MARCHF6: variants seen among roughly 807,000 people sequenced by gnomAD.
MARCHF6 encodes E3 ubiquitin-protein ligase MARCHF6.
A neutral mutation model predicts 133.7 loss-of-function variants in MARCHF6; 31 were observed. The ratio of observed to expected loss-of-function variants is 0.23; its 90% confidence interval spans 0.17 to 0.31. The LOEUF is 0.31. Ranked by LOEUF, MARCHF6 falls within the 10% of genes least tolerant of loss-of-function variation. The probability of loss-of-function intolerance (pLI) is 1.00; values close to 1 mark genes in which losing one functional copy is unlikely to be tolerated. For missense variants in MARCHF6, 723 were observed against 1,121.6 expected (o/e 0.64, Z 5.08); for synonymous variants, 395 against 402.5 (o/e 0.98, Z 0.22).
chr5:10,407,655 A>G (rs1206845137), intron 17 of MARCHF6, among the ~76,000 whole-genome samples: 2 of 152,112 alleles, frequency 1.3e-5, no homozygotes, highest in Non-Finnish European at 2.9e-5. Context: ...TTTGCTTTAA[A>G]AACTTAAGTG....
At position 10,433,738 on chromosome 5, in the gene MARCHF6, TTCTC is replaced by T; in HGVS notation, c.*58_*61del. 1 of 1,439,516 alleles carries T rather than the reference TTCTC, an allele frequency of 6.9e-7. No homozygotes were observed. Among genetic ancestry groups the T allele is most frequent in the Non-Finnish European group, 9.8e-7 (1 of 1,022,136 alleles). The allele number at this position is 1,439,516 out of a possible 1,614,324, so 89.2% of individuals were successfully genotyped here. On this transcript the variant is annotated 3_prime_UTR_variant, in exon 26 of 26. Transcript: ENST00000274140. ...CCTTTACATGTCCTTTTTTGTGGAC[TTCTC>T]TCTTTGGAGATTTTTCCCAGTGATC...
chr5:10,358,876 A>G (rs536948777), intron 1 of MARCHF6, among the ~76,000 whole-genome samples: 1 of 152,350 alleles, frequency 6.6e-6, no homozygotes, highest in Admixed American at 6.5e-5. Context: ...ACACACACAA[A>G]CATGTAATGG....
chr5:10,400,963 G>A, intron 11 of MARCHF6, 121 bp downstream of exon 11: 1 of 727,118 alleles, frequency 1.4e-6, no homozygotes, highest in Admixed American at 2.5e-5. Flanking sequence ...GGAATAGTTA[G>A]GCAATACCGT....
intron 20 of MARCHF6, 21 bp from the exon 21 acceptor site, chr5:10,415,467 T>C (rs377402876): frequency 1.2e-6 from 2 of 1,602,262 alleles, no homozygotes; most frequent in Non-Finnish European, 1.7e-6. Flanking sequence ...ATGTCTCATT[T>C]ATCAGCTTTT....
At chr5:10,414,245 C>G (rs186300627) in intron 19 of MARCHF6, among the ~76,000 whole-genome samples, 188 bp from the exon 20 acceptor site, 2 of 152,144 alleles carry the variant, frequency 1.3e-5, no homozygotes, top group African/African-American at 4.8e-5. Flanking sequence ...AGAATGGATA[C>G]TTATTTTCAT....
chr5:10,364,738 G>T (rs915189548), intron 1 of MARCHF6, among the ~76,000 whole-genome samples: 3 of 152,166 alleles, frequency 2.0e-5, no homozygotes, highest in Non-Finnish European at 4.4e-5. Context: ...TGCAGTACCT[G>T]CCATTAGCTG....
intron 25 of MARCHF6, among the ~76,000 whole-genome samples, chr5:10,432,551 A>G (rs1242886591): frequency 6.6e-6 from 1 of 152,204 alleles, no homozygotes; most frequent in Non-Finnish European, 1.5e-5. Context: ...ATCTGCTCAC[A>G]TTAAGTAAGG....
chr5:10,412,951 GT>G (rs1739312703), intron 19 of MARCHF6, among the ~76,000 whole-genome samples: 1 of 152,114 alleles, frequency 6.6e-6, no homozygotes, highest in Admixed American at 6.5e-5. Flanking sequence ...GGCCATGGGA[GT>G]GGTGAGGGAT....
At chr5:10,380,742 A>G (rs773079687) in intron 3 of MARCHF6, among the ~76,000 whole-genome samples, 6 of 152,114 alleles carry the variant, frequency 3.9e-5, no homozygotes, top group Non-Finnish European at 2.9e-5. Flanking sequence ...CCTGGCCAAC[A>G]TGGTGGAAAC....
rs960082832 is a variant in MARCHF6, at chr5:10,436,591, A to G, written c.*2907A>G. 1.3e-5 allele frequency: 2 copies of G among 152,204 alleles called. No homozygotes were observed. The highest frequency in any genetic ancestry group is 2.4e-5 in the African/African-American group (1 of 41,452). The allele number at this position is 152,204 out of a possible 1,614,324, so 9.4% of individuals were successfully genotyped here. A position where few individuals can be genotyped will look rare whatever the true frequency, so the allele number is the denominator to read the frequency against. Reference sequence around the variant, plus strand: ...TTTGTTTTATTTTTACTATTTATATATAGAAGACAAATCAGCATTTGGTGA... The same window carrying G: ...TTTGTTTTATTTTTACTATTTATATGTAGAAGACAAATCAGCATTTGGTGA... On this transcript the variant is annotated 3_prime_UTR_variant, in exon 26 of 26. Transcript: ENST00000274140.
At chr5:10,359,320 A>G (rs1735668455) in intron 1 of MARCHF6, among the ~76,000 whole-genome samples, 1 of 152,240 alleles carries the variant, frequency 6.6e-6, no homozygotes, top group African/African-American at 2.4e-5. Context: ...TCTTGTAAAC[A>G]GACAGGTATC....
intron 24 of MARCHF6, among the ~76,000 whole-genome samples, chr5:10,427,931 G>A (rs1354469738): frequency 1.3e-5 from 2 of 152,150 alleles, no homozygotes; most frequent in African/African-American, 4.8e-5. Flanking sequence ...TTATCTGGGA[G>A]TGGTGGCGCA....
Position 10,417,323 on chromosome 5 carries a change from T to G in MARCHF6, c.2202T>G (p.Leu734=). The stretch of plus-strand genomic sequence containing the variant: ...TGTTGGCTGGAGTTGTCCCTCTCCT[T>G]CTGGGGCTCCTGTTTGAGCTGGTCA... ...AVLLAGVVPL[L]LGLLFELVIV... The change falls in exon 22 of 26, where the codon CTT becomes CTG. Residue 734 remains leucine (L), a synonymous_variant. Coordinates refer to ENST00000274140, the MANE Select transcript of MARCHF6 (RefSeq NM_005885.4). 1 of 1,614,172 alleles carries G rather than the reference T, an allele frequency of 6.2e-7. No individual in the cohort carries two copies. The highest frequency in any genetic ancestry group is 8.5e-7 in the Non-Finnish European group (1 of 1,180,030).
intron 9 of MARCHF6, among the ~76,000 whole-genome samples, chr5:10,396,167 C>G (rs1738177177): frequency 6.6e-6 from 1 of 152,136 alleles, no homozygotes; most frequent in South Asian, 2.1e-4. Flanking sequence ...CCTATGAATT[C>G]AATGCCTATG....
At position 10,377,844 on chromosome 5, in the gene MARCHF6, T is replaced by G; in HGVS notation, c.66T>G (p.Leu22=). The G allele has an allele frequency of 1.2e-6, 2 of 1,613,700 alleles. No homozygotes were observed. Among genetic ancestry groups the G allele is most frequent in the Non-Finnish European group, 1.7e-6 (2 of 1,179,676 alleles). ...CRSEGTPEKP[L]YHPCVCTGSI... ...CAGAAGGAACACCTGAGAAACCGCTTTATCATCCTTGTGTATGTACTGGCA... is the reference window on the plus strand; with the variant it reads ...CAGAAGGAACACCTGAGAAACCGCTGTATCATCCTTGTGTATGTACTGGCA... The change falls in exon 2 of 26, where the codon CTT becomes CTG. Residue 22 remains leucine (L), a synonymous_variant. Coordinates refer to ENST00000274140, the MANE Select transcript of MARCHF6 (RefSeq NM_005885.4).
Position 10,435,805 on chromosome 5 carries a change from C to T in MARCHF6, c.*2121C>T, listed in dbSNP as rs1298743543. 7.0e-6 allele frequency: 1 copy of T among 143,100 alleles called. No homozygotes were observed. Among genetic ancestry groups the T allele is most frequent in the African/African-American group, 2.6e-5 (1 of 38,300 alleles). The allele number at this position is 143,100 out of a possible 1,614,324, so 8.9% of individuals were successfully genotyped here. ...GATCCTGGTTCACTGCACCCTCTGC[C>T]TCCCAGGTTCAAGCGATTCTCCTGC... On this transcript the variant is annotated 3_prime_UTR_variant, in exon 26 of 26. Coordinates refer to ENST00000274140, the MANE Select transcript of MARCHF6 (RefSeq NM_005885.4).
chr5:10,369,739 C>G (rs952586929), intron 1 of MARCHF6, among the ~76,000 whole-genome samples: 9 of 151,896 alleles, frequency 5.9e-5, no homozygotes. Context: ...TAGAACCATA[C>G]AGTATGTAGT....
intron 1 of MARCHF6, chr5:10,354,599 T>TG (rs888704075): frequency 2.1e-4 from 32 of 152,342 alleles, no homozygotes; most frequent in African/African-American, 7.7e-4. Context: ...AACTGACCCT[T>TG]GTAAAATGAA....
intron 6 of MARCHF6, 69 bp downstream of exon 6, chr5:10,390,569 T>A: frequency 7.1e-7 from 1 of 1,406,006 alleles, no homozygotes; most frequent in Non-Finnish European, 9.7e-7. Context: ...TCTCTGAGAC[T>A]CAAACTCTTG....
Sources: allele counts gnomAD v4.1 joint callset (sites outside exome capture counted in the v4.1 genomes callset), GRCh38; gene constraint gnomAD v4.1.1; transcripts MANE v1.5; gene names NCBI Gene and HGNC (gene_info 2026-07-23, HGNC 2026-07-21).